DNAJC12: variants seen among roughly 807,000 people sequenced by gnomAD.
DNAJC12 encodes the protein DnaJ heat shock protein family (Hsp40) member C12.
DNAJC12 carries 25 observed loss-of-function variants against 28.5 expected under a neutral mutation model. That is an observed-to-expected ratio of 0.88 (90% confidence interval 0.64 to 1.22). DNAJC12 has a LOEUF of 1.22. Ranked by LOEUF, DNAJC12 falls within the 50% of genes most tolerant of loss-of-function variation. The pLI, the probability that DNAJC12 is intolerant of heterozygous loss-of-function variation, is 0.00. For synonymous variants in DNAJC12, 77 were observed against 80.6 expected (o/e 0.95, Z 0.24); for missense variants, 222 against 231.7 (o/e 0.96, Z 0.27).
intron 2 of DNAJC12, among the ~76,000 whole-genome samples, chr10:67,815,681 T>C (rs956277651): frequency 6.6e-6 from 1 of 152,170 alleles, no homozygotes; most frequent in East Asian, 1.9e-4. Flanking sequence ...TACGTCACTT[T>C]TTCCAACAGG....
At chr10:67,825,867 G>A (rs1174108878) in intron 1 of DNAJC12, among the ~76,000 whole-genome samples, 1 of 151,982 alleles carries the variant, frequency 6.6e-6, no homozygotes, top group African/African-American at 2.4e-5. Flanking sequence ...CCTCTTCCTG[G>A]GTGCTGTCTT....
chr10:67,813,245 C>T (rs1242874782), intron 2 of DNAJC12, among the ~76,000 whole-genome samples: 3 of 151,772 alleles, frequency 2.0e-5, no homozygotes, highest in Non-Finnish European at 4.4e-5. Context: ...CGCCTGTAAT[C>T]CCAGCTATTT....
Position 67,837,763 on chromosome 10 carries a change from C to A in DNAJC12, c.78+171G>T, listed in dbSNP as rs1405738585. ...GGACACTATTCAAGTAAAATCCCAA[C>A]ATACATTTAAATTCTTAACTTTCTC... On this transcript the variant is annotated intron_variant, in intron 1 of 4. Transcript: ENST00000225171. Among the ~76,000 whole-genome samples, 6 of 152,312 alleles carry A rather than the reference C, an allele frequency of 3.9e-5. No individual in the cohort carries two copies. The East Asian group carries it at 1.2e-3, about 29-fold the overall frequency.
intron 4 of DNAJC12, among the ~76,000 whole-genome samples, chr10:67,801,833 A>ATTTT (rs1554883625): frequency 5.5e-5 from 3 of 54,494 alleles, no homozygotes; most frequent in African/African-American, 8.0e-5. Context: ...CCTCCACTTC[A>ATTTT]TTCTTTTTTT....
rs778830845 is a variant in DNAJC12, at chr10:67,811,508, C to A, written c.297+16G>T. 3 of 1,613,646 alleles carry A rather than the reference C, an allele frequency of 1.9e-6. No individual in the cohort carries two copies. The highest frequency in any genetic ancestry group is 2.5e-6 in the Non-Finnish European group (3 of 1,179,904). The stretch of plus-strand genomic sequence containing the variant: ...TGAGCTTCACAAATTCACGTCGCAC[C>A]CAGCGAGAAACCCACCGTCTTCACT... On this transcript the variant is annotated intron_variant, in intron 3 of 4. Transcript: ENST00000225171.
intron 1 of DNAJC12, among the ~76,000 whole-genome samples, chr10:67,829,198 T>C (rs1425472562): frequency 6.6e-6 from 1 of 151,632 alleles, no homozygotes; most frequent in African/African-American, 2.4e-5. Flanking sequence ...CACACAACTC[T>C]CCCTCCCAGA....
intron 3 of DNAJC12, among the ~76,000 whole-genome samples, chr10:67,807,505 T>A (rs781503553): frequency 4.0e-5 from 6 of 151,614 alleles, no homozygotes; most frequent in Non-Finnish European, 7.4e-5. Context: ...AAAAAAAAAA[T>A]GACTTTTGTT....
At chr10:67,818,944 C>T (rs927503808) in intron 2 of DNAJC12, among the ~76,000 whole-genome samples, 7 of 152,108 alleles carry the variant, frequency 4.6e-5, no homozygotes, top group African/African-American at 1.2e-4. Context: ...CATTAGCCAC[C>T]GAGCCCGATC....
At chr10:67,811,206 A>T in intron 3 of DNAJC12, 1 of 864,678 alleles carries the variant, frequency 1.2e-6, no homozygotes. Context: ...AAAACTCAGC[A>T]ATTCATGAGC....
chr10:67,801,399 T>G (rs1841742786), intron 4 of DNAJC12, among the ~76,000 whole-genome samples: 1 of 152,200 alleles, frequency 6.6e-6, no homozygotes, highest in African/African-American at 2.4e-5. Context: ...AAGGCACTAG[T>G]CAGAAAAGCC....
intron 4 of DNAJC12, among the ~76,000 whole-genome samples, chr10:67,798,564 C>T (rs1317656679): frequency 1.3e-5 from 2 of 151,920 alleles, no homozygotes; most frequent in South Asian, 4.2e-4. Context: ...TGCCCGTGGT[C>T]CCAGCTACTC....
intron 2 of DNAJC12, among the ~76,000 whole-genome samples, chr10:67,822,786 G>A (rs1052067740): frequency 1.3e-4 from 19 of 151,618 alleles, no homozygotes; most frequent in Admixed American, 2.0e-4. Flanking sequence ...TCAGGAGTTC[G>A]AAACCGGCCT....
chr10:67,816,143 A>T (rs17634289), intron 2 of DNAJC12: 40,736 of 398,312 alleles, frequency 0.1, 2,554 homozygotes, highest in South Asian at 0.17. Context: ...CCTTCAAAAT[A>T]TAGAGGTTAT....
chr10:67,826,620 T>A (rs1330072044), intron 1 of DNAJC12, among the ~76,000 whole-genome samples: 28 of 130,250 alleles, frequency 2.1e-4, no homozygotes, highest in East Asian at 1.2e-3. Context: ...TGATATATAT[T>A]ATATATATCA....
At position 67,828,215 on chromosome 10, in the gene DNAJC12, C is replaced by T. The variant is rs151316010; in HGVS notation, c.79-4823G>A. ...GAAATTAACATTCATGCTCTGCTGG[C>T]GAGGATGTAAATAGGTATAGACTTT... On this transcript the variant is annotated intron_variant, in intron 1 of 4. Coordinates refer to ENST00000225171, the MANE Select transcript of DNAJC12 (RefSeq NM_021800.3). Among the ~76,000 whole-genome samples the T allele has an allele frequency of 5.0e-3, 760 of 151,992 alleles. 7 individuals are homozygous for T. Among genetic ancestry groups the T allele is most frequent in the African/African-American group, 0.017 (718 of 41,442 alleles).
intron 1 of DNAJC12, chr10:67,827,467 A>C (rs1209221234): frequency 6.6e-6 from 1 of 152,254 alleles, no homozygotes. Flanking sequence ...TAGGTGGATT[A>C]TCTGAGGTCA....
At chr10:67,837,028 A>G (rs1842148092) in intron 1 of DNAJC12, among the ~76,000 whole-genome samples, 1 of 151,304 alleles carries the variant, frequency 6.6e-6, no homozygotes, top group Admixed American at 6.6e-5. Flanking sequence ...AATTGGAAAT[A>G]AAATATTTAA....
At chr10:67,816,182 G>A (rs1372711117) in intron 2 of DNAJC12, 3 of 397,422 alleles carry the variant, frequency 7.5e-6, no homozygotes, top group Non-Finnish European at 8.9e-6. Context: ...AATAGAATTT[G>A]TATTACAACA....
intron 1 of DNAJC12, among the ~76,000 whole-genome samples, chr10:67,824,398 G>A (rs970316147): frequency 2.6e-5 from 4 of 151,900 alleles, no homozygotes; most frequent in African/African-American, 7.2e-5. Context: ...CTATTATAAA[G>A]CTCCTTCTTC....
Sources: gnomAD v4.1 joint callset for allele counts (sites outside exome capture counted in the v4.1 genomes callset) on GRCh38, gnomAD v4.1.1 for gene constraint, MANE v1.5 for transcripts, NCBI Gene and HGNC (gene_info 2026-07-23, HGNC 2026-07-21) for gene names.